Variants in PPP6R3 observed in about 807,000 individuals in gnomAD.
PPP6R3 encodes the protein serine/threonine-protein phosphatase 6 regulatory subunit 3.
Under a neutral mutation model 110.7 loss-of-function variants are expected in PPP6R3, and 38 were observed. That is an observed-to-expected ratio of 0.34 (90% confidence interval 0.26 to 0.45). The LOEUF (loss-of-function observed/expected upper bound fraction) is 0.45, where lower values mean the gene tolerates loss of function less well. PPP6R3 is among the 20% of genes least tolerant of loss of function. The pLI is 1.00. For missense variants in PPP6R3, 870 were observed against 1,062.4 expected, an observed-to-expected ratio of 0.82 and a Z score of 2.52; for synonymous variants, 369 against 373.5, an observed-to-expected ratio of 0.99 and a Z score of 0.14.
chr11:68,522,676 A>G (rs1210572306), intron 2 of PPP6R3: 1 of 152,258 alleles, frequency 6.6e-6, no homozygotes, highest in Non-Finnish European at 1.5e-5. Context: ...CTGGCGAATA[A>G]TCAAAGAATA....
intron 2 of PPP6R3, among the ~76,000 whole-genome samples, chr11:68,523,942 C>T (rs142003886): frequency 6.6e-6 from 1 of 152,254 alleles, no homozygotes; most frequent in East Asian, 1.9e-4. Flanking sequence ...GTTCAACCCA[C>T]TAAGCATCTG....
At chr11:68,576,562 G>T (rs1286501348) in intron 14 of PPP6R3, among the ~76,000 whole-genome samples, 1 of 152,082 alleles carries the variant, frequency 6.6e-6, no homozygotes, top group African/African-American at 2.4e-5. Context: ...AGGGAATAAT[G>T]GCATTGATAA....
At chr11:68,513,096 G>A (rs952611948) in intron 1 of PPP6R3, among the ~76,000 whole-genome samples, 2 of 152,068 alleles carry the variant, frequency 1.3e-5, no homozygotes, top group Non-Finnish European at 2.9e-5. Flanking sequence ...TTTGTGGACT[G>A]AGTTAGAGAC....
chr11:68,490,393 A>G (rs12226585), intron 1 of PPP6R3, among the ~76,000 whole-genome samples: 1 of 151,538 alleles, frequency 6.6e-6, no homozygotes, highest in Non-Finnish European at 1.5e-5. Context: ...TTTGACTATG[A>G]TATTGCTCAG....
At chr11:68,467,629 A>G (rs574728455) in intron 1 of PPP6R3, among the ~76,000 whole-genome samples, 1 of 152,240 alleles carries the variant, frequency 6.6e-6, no homozygotes, top group African/African-American at 2.4e-5. Flanking sequence ...TGCCTGCTCC[A>G]TGGTTGGCTG....
chr11:68,587,444 A>G (rs1297683481), intron 15 of PPP6R3: 2 of 167,702 alleles, frequency 1.2e-5, no homozygotes, highest in Non-Finnish European at 2.6e-5. Context: ...TTCTAGGATT[A>G]TGCTTGTGTT....
At position 68,537,848 on chromosome 11, in the gene PPP6R3, A is replaced by G. The variant is rs140917558; in HGVS notation, c.184A>G (p.Ile62Val). The G allele has an allele frequency of 8.7e-6, 14 of 1,613,774 alleles. No individual in the cohort carries two copies. Among genetic ancestry groups the G allele is most frequent in the African/African-American group, 1.3e-5 (1 of 74,946 alleles). The part of the protein sequence containing the change: ...ECLEDLVSFI[I>V]EEPPQDMDEK... ...TCTCGAAGATTTAGTCTCATTCATT[A>G]TAGAAGAACCACCTCAAGACATGGA... The change falls in exon 3 of 24, where the codon ATA becomes GTA. Residue 62 changes from isoleucine to valine, a missense_variant. By Grantham distance (29) the Ile-to-Val change is conservative. Transcript: ENST00000393800.
intron 1 of PPP6R3, among the ~76,000 whole-genome samples, chr11:68,470,446 T>G (rs1346083005): frequency 5.8e-5 from 8 of 137,638 alleles, no homozygotes; most frequent in African/African-American, 1.1e-4. Context: ...TGAGGGAGAG[T>G]GGGAGGAGGG....
At chr11:68,461,843 C>T (rs894521632) in intron 1 of PPP6R3, among the ~76,000 whole-genome samples, 1 of 152,108 alleles carries the variant, frequency 6.6e-6, no homozygotes, top group Admixed American at 6.6e-5. Flanking sequence ...TTGATTTTGT[C>T]CTCAAGGTCA....
intron 1 of PPP6R3, among the ~76,000 whole-genome samples, chr11:68,462,098 C>A (rs919356383): frequency 6.6e-6 from 1 of 152,178 alleles, no homozygotes; most frequent in Non-Finnish European, 1.5e-5. Context: ...GATAATTGCC[C>A]TAATACATGT....
chr11:68,609,589 T>G, intron 22 of PPP6R3: 1 of 1,551,666 alleles, frequency 6.4e-7, no homozygotes, highest in Non-Finnish European at 8.7e-7. Flanking sequence ...TTTCTTTTTC[T>G]GTTTTGCACA....
rs1336708546 is a variant in PPP6R3, at chr11:68,587,941, T to C, written c.1647T>C (p.Tyr549=). Residue 549 remains tyrosine, a synonymous_variant, in exon 16 of 24, where the codon TAT becomes TAC. Transcript: ENST00000393800. ...GGGGTTGCCAGGCCTTTTCTGATTA[T>C]CAGATGCAACAAATGACGTCCAATT... is the stretch of plus-strand genomic sequence containing the variant. The part of the protein sequence containing the change: ...DSSLQQAFSD[Y]QMQQMTSNFI... The C allele has an allele frequency of 6.2e-7, 1 of 1,614,070 alleles. No individual in the cohort carries two copies. The highest frequency in any genetic ancestry group is 8.5e-7 in the Non-Finnish European group (1 of 1,180,022).
At chr11:68,551,837 A>G (rs2099381641) in intron 6 of PPP6R3, among the ~76,000 whole-genome samples, 1 of 152,092 alleles carries the variant, frequency 6.6e-6, no homozygotes, top group African/African-American at 2.4e-5. Context: ...CCACATTTGC[A>G]TTTGTTTTAT....
At chr11:68,530,239 T>G (rs1473500231) in intron 2 of PPP6R3, among the ~76,000 whole-genome samples, 4 of 152,034 alleles carry the variant, frequency 2.6e-5, no homozygotes, top group African/African-American at 9.7e-5. Flanking sequence ...GTTCTAGTAG[T>G]TTTAATAGTG....
At chr11:68,530,424 A>C (rs546696298) in intron 2 of PPP6R3, among the ~76,000 whole-genome samples, 29 of 152,346 alleles carry the variant, frequency 1.9e-4, no homozygotes, top group African/African-American at 7.0e-4. Flanking sequence ...TTGTTGTCTT[A>C]AGTCTTTCTT....
At chr11:68,498,444 G>A (rs982350327) in intron 1 of PPP6R3, among the ~76,000 whole-genome samples, 8 of 152,044 alleles carry the variant, frequency 5.3e-5, no homozygotes, top group South Asian at 2.1e-4. Context: ...CATACAATAA[G>A]CAGATTTTCA....
intron 5 of PPP6R3, among the ~76,000 whole-genome samples, chr11:68,550,768 A>T (rs1218178820): frequency 6.6e-6 from 1 of 152,224 alleles, no homozygotes; most frequent in African/African-American, 2.4e-5. Context: ...CAGAAAATGT[A>T]TAAATTCCAT....
intron 1 of PPP6R3, among the ~76,000 whole-genome samples, chr11:68,479,246 T>A (rs145351900): frequency 5.9e-4 from 90 of 152,340 alleles, no homozygotes; most frequent in African/African-American, 2.1e-3. Context: ...CTGGAATACC[T>A]GTAACCGCTA....
chr11:68,466,897 G>A (rs61391279), intron 1 of PPP6R3, among the ~76,000 whole-genome samples: 34,011 of 151,006 alleles, frequency 0.23, 3,621 homozygotes, highest in Middle Eastern at 0.32. Flanking sequence ...ACAGGCGTGA[G>A]CCACCGCGCC....
Sources: gnomAD v4.1 joint callset for allele counts (sites outside exome capture counted in the v4.1 genomes callset) on GRCh38, gnomAD v4.1.1 for gene constraint, MANE v1.5 for transcripts, NCBI Gene and HGNC (gene_info 2026-07-23, HGNC 2026-07-21) for gene names.